The following PSMA1 variants were observed in gnomAD, a reference collection of about 807,000 sequenced individuals.
PSMA1 encodes proteasome subunit alpha type-1.
PSMA1 carries 3 observed loss-of-function variants against 38.4 expected under a neutral mutation model. The ratio of observed to expected loss-of-function variants is 0.08; its 90% CI spans 0.04 to 0.20. The LOEUF (loss-of-function observed/expected upper bound fraction) is 0.20, where lower values mean the gene tolerates loss of function less well. PSMA1 is among the 10% of genes least tolerant of loss of function. The pLI is 1.00. For missense variants in PSMA1, 227 were observed against 325.3 expected (o/e 0.70, Z 2.32); for synonymous variants, 101 against 107.1 (o/e 0.94, Z 0.35).
intron 1 of PSMA1, among the ~76,000 whole-genome samples, chr11:14,620,540 G>A (rs997597730): frequency 4.6e-5 from 7 of 152,210 alleles, no homozygotes; most frequent in African/African-American, 1.7e-4. Context: ...GTGCTAATAA[G>A]CAACTGACTT....
chr11:14,583,223 C>A (rs1852303546), intron 2 of PSMA1, among the ~76,000 whole-genome samples: 1 of 152,168 alleles, frequency 6.6e-6, no homozygotes. Flanking sequence ...TTTCCTCCAC[C>A]TTTTCTTCTT....
At chr11:14,566,249 T>C (rs1280186506) in intron 2 of PSMA1, among the ~76,000 whole-genome samples, 1 of 152,148 alleles carries the variant, frequency 6.6e-6, no homozygotes, top group Non-Finnish European at 1.5e-5. Context: ...GGGAATAGAC[T>C]ATGGGTAGAA....
In PSMA1 at chr11:14,639,170, A is replaced by C. The variant is rs7102038; in HGVS notation, c.-166+4285T>G. ...AGGTACTGTCACTTGAGTTAAAATA[A>C]AAAATGACCCACACATCTCTGAAAC... On this transcript the variant is annotated intron_variant, in intron 1 of 10. Transcript: ENST00000418988. Among the ~76,000 whole-genome samples, 1,313 of 152,322 alleles carry C rather than the reference A, an allele frequency of 8.6e-3. 15 individuals carry two copies. Among genetic ancestry groups the C allele is most frequent in the African/African-American group, 0.03 (1,254 of 41,564 alleles).
At chr11:14,523,260 A>AAAC (rs564498790), upstream of PSMA1, among the ~76,000 whole-genome samples, 50 of 152,226 alleles carry the variant, frequency 3.3e-4, no homozygotes, top group Admixed American at 1.1e-3. Flanking sequence ...ACATCGTTAA[A>AAAC]AACAACAACA....
At chr11:14,538,896 T>G (rs1392766139) in intron 2 of PSMA1, among the ~76,000 whole-genome samples, 1 of 152,266 alleles carries the variant, frequency 6.6e-6, no homozygotes, top group Non-Finnish European at 1.5e-5. Flanking sequence ...TTAAAATAAC[T>G]CATTGACAAG....
chr11:14,585,523 A>G (rs1477615104), intron 2 of PSMA1, among the ~76,000 whole-genome samples: 1 of 152,206 alleles, frequency 6.6e-6, no homozygotes, highest in Non-Finnish European at 1.5e-5. Flanking sequence ...AGAACTTCAG[A>G]GAACCCTAGC....
At chr11:14,591,609 A>G (rs1458727451) in intron 2 of PSMA1, among the ~76,000 whole-genome samples, 1 of 152,042 alleles carries the variant, frequency 6.6e-6, no homozygotes, top group Non-Finnish European at 1.5e-5. Flanking sequence ...TGTCTAGCTC[A>G]GGGTTTGTGA....
chr11:14,599,088 A>G (rs1187132633), intron 2 of PSMA1, among the ~76,000 whole-genome samples: 13 of 152,202 alleles, frequency 8.5e-5, no homozygotes, highest in African/African-American at 2.6e-4. Context: ...TGGCTTTTAG[A>G]GTTTCTGCTG....
chr11:14,588,555 T>C (rs1351740019), intron 2 of PSMA1, among the ~76,000 whole-genome samples: 1 of 152,146 alleles, frequency 6.6e-6, no homozygotes, highest in African/African-American at 2.4e-5. Flanking sequence ...CTTACTATAG[T>C]CCTACTGTGA....
intron 1 of PSMA1, among the ~76,000 whole-genome samples, chr11:14,621,856 C>T (rs931513173): frequency 1.3e-5 from 2 of 152,088 alleles, no homozygotes; most frequent in African/African-American, 2.4e-5. Flanking sequence ...TGGTTCTCTG[C>T]GGCCTGGAAA....
chr11:14,599,476 A>C (rs1309448754), intron 2 of PSMA1, among the ~76,000 whole-genome samples: 1 of 151,814 alleles, frequency 6.6e-6, no homozygotes, highest in Non-Finnish European at 1.5e-5. Flanking sequence ...TTCTCACTTT[A>C]TTTCATTAAT....
At chr11:14,514,373 T>C (rs372721021) in intron 5 of PSMA1, 30 bp downstream of exon 5, 49 of 1,579,324 alleles carry the variant, frequency 3.1e-5, no homozygotes, top group Admixed American at 7.3e-5. Flanking sequence ...TCAAAGTTCA[T>C]ATCCATAAAT....
intron 2 of PSMA1, among the ~76,000 whole-genome samples, chr11:14,560,259 A>G (rs945658947): frequency 3.3e-5 from 5 of 152,232 alleles, no homozygotes; most frequent in Non-Finnish European, 4.4e-5. Context: ...TTCCAGGAAC[A>G]GTTCCTCCAG....
chr11:14,571,781 G>C (rs1448020907), intron 2 of PSMA1, among the ~76,000 whole-genome samples: 1 of 152,122 alleles, frequency 6.6e-6, no homozygotes, highest in African/African-American at 2.4e-5. Flanking sequence ...CTCACATGCA[G>C]AGACACACAT....
At chr11:14,643,482 T>C (rs1170060535) in exon 1 of PSMA1, 2 of 152,136 alleles carry the variant, frequency 1.3e-5, no homozygotes, top group African/African-American at 4.8e-5. Flanking sequence ...ACGCCTGGGG[T>C]CCCAGGATGG....
At chr11:14,625,146 A>G (rs530881942) in intron 1 of PSMA1, among the ~76,000 whole-genome samples, 94 of 152,318 alleles carry the variant, frequency 6.2e-4, no homozygotes, top group Non-Finnish European at 1.0e-3. Context: ...GACTGTGGCA[A>G]TCAAGAAAAT....
intron 2 of PSMA1, among the ~76,000 whole-genome samples, chr11:14,597,557 G>C (rs1402345321): frequency 6.6e-6 from 1 of 152,088 alleles, no homozygotes; most frequent in Non-Finnish European, 1.5e-5. Context: ...ATTCTCTGAT[G>C]GTAGTTTGTA....
At chr11:14,510,410 T>C (rs1851325318) in intron 8 of PSMA1, among the ~76,000 whole-genome samples, 1 of 152,206 alleles carries the variant, frequency 6.6e-6, no homozygotes, top group African/African-American at 2.4e-5. Context: ...TCTTTCTCCT[T>C]TTAACGCTTT....
intron 6 of PSMA1, 28 bp from the exon 7 acceptor site, chr11:14,513,727 A>G: frequency 6.4e-7 from 1 of 1,557,064 alleles, no homozygotes; most frequent in Non-Finnish European, 8.6e-7. Flanking sequence ...TACACCACAT[A>G]ATTATTTACT....
Sources: gnomAD v4.1 joint callset for allele counts (sites outside exome capture counted in the v4.1 genomes callset) on GRCh38, gnomAD v4.1.1 for gene constraint, MANE v1.5 for transcripts, NCBI Gene and HGNC (gene_info 2026-07-23, HGNC 2026-07-21) for gene names.